CHIC2: variants seen among roughly 807,000 people sequenced by gnomAD.
CHIC2 encodes cysteine-rich hydrophobic domain-containing protein 2.
CHIC2 carries 14 observed loss-of-function variants against 25.9 expected under a neutral mutation model. That is an observed-to-expected ratio of 0.54 (90% CI 0.36 to 0.85). CHIC2 has a LOEUF of 0.85. Among genes scored for constraint, CHIC2 ranks in the 40% least tolerant of loss-of-function variants. The pLI, the probability that CHIC2 is intolerant of heterozygous loss-of-function variation, is 0.01. For synonymous variants in CHIC2, 70 were observed against 72.0 expected, an observed-to-expected ratio of 0.97 and a Z score of 0.14; for missense variants, 146 against 202.0, an observed-to-expected ratio of 0.72 and a Z score of 1.68.
At chr4:54,082,432 C>G in the CHIC2 span, among the ~76,000 whole-genome samples, 1 of 152,122 alleles carries the variant, frequency 6.6e-6, no homozygotes, top group African/African-American at 2.4e-5. Flanking sequence ...ATAAAGTTGA[C>G]TCAGTCAGAA....
At chr4:54,071,660 C>T in the CHIC2 span, among the ~76,000 whole-genome samples, 1 of 152,180 alleles carries the variant, frequency 6.6e-6, no homozygotes, top group Non-Finnish European at 1.5e-5. Context: ...ACAGTACCTG[C>T]CATATAATTA....
the CHIC2 span, among the ~76,000 whole-genome samples, chr4:54,083,848 C>T: frequency 9.2e-5 from 14 of 152,142 alleles, no homozygotes; most frequent in Non-Finnish European, 1.6e-4. Flanking sequence ...ACTACAGAGG[C>T]CTTCATACTT....
At chr4:54,047,623 G>T (rs1417832845) in intron 3 of CHIC2, among the ~76,000 whole-genome samples, 2 of 143,592 alleles carry the variant, frequency 1.4e-5, no homozygotes, top group African/African-American at 2.6e-5. Flanking sequence ...CACAGGAAGG[G>T]GAACACCACA....
intron 3 of CHIC2, among the ~76,000 whole-genome samples, chr4:54,027,829 C>T (rs1228686768): frequency 2.0e-5 from 3 of 152,078 alleles, no homozygotes; most frequent in East Asian, 1.9e-4. Flanking sequence ...AATAACTTTA[C>T]CAGAAGTCAT....
At chr4:54,036,817 A>T (rs2110075560) in intron 3 of CHIC2, among the ~76,000 whole-genome samples, 1 of 124,378 alleles carries the variant, frequency 8.0e-6, no homozygotes, top group Non-Finnish European at 1.7e-5. Flanking sequence ...AAAGGAAGCT[A>T]AACATACACT....
intron 3 of CHIC2, among the ~76,000 whole-genome samples, chr4:54,020,143 T>C (rs1715855364): frequency 6.6e-6 from 1 of 152,190 alleles, no homozygotes. Context: ...TACATCCAGA[T>C]GGCCTGAAGC....
chr4:54,088,198 T>TA, the CHIC2 span, among the ~76,000 whole-genome samples: 1 of 152,158 alleles, frequency 6.6e-6, no homozygotes, highest in Admixed American at 6.5e-5. Context: ...CTCTTTTTTT[T>TA]AATGATGCTT....
chr4:54,046,635 T>C (rs564010515), intron 3 of CHIC2, among the ~76,000 whole-genome samples: 17 of 152,286 alleles, frequency 1.1e-4, no homozygotes, highest in Admixed American at 4.6e-4. Flanking sequence ...TTACACCTTA[T>C]ACAAAAATTG....
At chr4:54,024,605 C>T (rs898082459) in intron 3 of CHIC2, among the ~76,000 whole-genome samples, 2 of 152,096 alleles carry the variant, frequency 1.3e-5, no homozygotes, top group Non-Finnish European at 2.9e-5. Context: ...AAAGGGGACT[C>T]CGTATATTTT....
At chr4:54,014,216 A>T (rs1715676146) in intron 3 of CHIC2, 97 bp from the exon 4 acceptor site, 6 of 920,184 alleles carry the variant, frequency 6.5e-6, no homozygotes, top group Non-Finnish European at 1.0e-5. Flanking sequence ...GGTATAAGAC[A>T]GTGACTGAGT....
chr4:54,064,241 C>T lies in CHIC2; in HGVS notation c.60G>A (p.Glu20=), dbSNP rs945690446. 1.2e-6 allele frequency: 2 copies of T among 1,610,246 alleles called. No homozygotes were observed. The highest frequency in any genetic ancestry group is 1.3e-5 in the African/African-American group (1 of 74,952). The stretch of plus-strand genomic sequence containing the variant: ...GGTCCGGCGAGTACTTGAGCAGCTG[C>T]TCCTCCAGGGCCCGCTCCTCGTCCT... The part of the protein sequence containing the change: ...EEEDEERALE[E]QLLKYSPDPV... Residue 20 remains glutamate (E), a synonymous_variant, in exon 1 of 6, where the codon GAG becomes GAA. Coordinates refer to ENST00000263921, the MANE Select transcript of CHIC2 (RefSeq NM_012110.4). The surrounding 1 kb of genome is among the most constrained non-coding windows in gnomAD (Gnocchi z 4.2).
chr4:54,035,438 A>G (rs1472898939), intron 3 of CHIC2, among the ~76,000 whole-genome samples: 1 of 152,184 alleles, frequency 6.6e-6, no homozygotes, highest in Non-Finnish European at 1.5e-5. Context: ...TTTTCAAGTC[A>G]TCTATTTTAT....
intron 3 of CHIC2, among the ~76,000 whole-genome samples, chr4:54,043,102 G>C (rs1339198970): frequency 6.6e-6 from 1 of 152,082 alleles, no homozygotes; most frequent in Non-Finnish European, 1.5e-5. Flanking sequence ...CTTGAGTCCA[G>C]AAGTTTGAGA....
At chr4:54,035,313 C>T (rs1442505282) in intron 3 of CHIC2, among the ~76,000 whole-genome samples, 1 of 152,134 alleles carries the variant, frequency 6.6e-6, no homozygotes, top group Non-Finnish European at 1.5e-5. Context: ...GTAGAATAGG[C>T]ATTACTTCTT....
intron 3 of CHIC2, among the ~76,000 whole-genome samples, chr4:54,015,945 A>C (rs542850954): frequency 1.7e-4 from 26 of 152,210 alleles, no homozygotes; most frequent in Admixed American, 5.2e-4. Context: ...ATGGTGAAAA[A>C]TGGCAATAGG....
At chr4:54,077,361 C>T in the CHIC2 span, among the ~76,000 whole-genome samples, 1 of 152,164 alleles carries the variant, frequency 6.6e-6, no homozygotes, top group African/African-American at 2.4e-5. Flanking sequence ...CAAGAAGATC[C>T]TGCAACCATT....
chr4:54,064,736 C>CGCGCACGT (rs1419853890), upstream of CHIC2: 291 of 810,482 alleles, frequency 3.6e-4, no homozygotes, highest in African/African-American at 5.2e-3. This position sits in a 1 kb window ranked among gnomAD's most constrained non-coding sequence, Gnocchi z 4.2. Context: ...CGGGCGGGCG[C>CGCGCACGT]GCGCACGTGC....
At chr4:54,042,756 T>C (rs968456692) in intron 3 of CHIC2, among the ~76,000 whole-genome samples, 2 of 151,512 alleles carry the variant, frequency 1.3e-5, no homozygotes. Flanking sequence ...CTGGTGAGAA[T>C]GATGAAAAAA....
intron 3 of CHIC2, among the ~76,000 whole-genome samples, chr4:54,029,481 C>T (rs1004619022): frequency 6.6e-6 from 1 of 152,182 alleles, no homozygotes; most frequent in East Asian, 1.9e-4. Flanking sequence ...AAAAAAATAG[C>T]ATTGATTTTC....
Sources: gnomAD v4.1 joint callset for allele counts (sites outside exome capture counted in the v4.1 genomes callset) on GRCh38, gnomAD v4.1.1 for gene constraint, Gnocchi (gnomAD v3.1) non-coding constraint, MANE v1.5 for transcripts, NCBI Gene and HGNC (gene_info 2026-07-23, HGNC 2026-07-21) for gene names.